RABEP1: variants seen among roughly 807,000 people sequenced by gnomAD.
The protein encoded by RABEP1 is rabaptin, RAB GTPase binding effector protein 1, also known as rab GTPase-binding effector protein 1.
In RABEP1, 51 loss-of-function variants were observed where a neutral mutation model predicts 123.4. That is an observed-to-expected ratio of 0.41 (90% CI 0.33 to 0.52). The LOEUF is 0.52. RABEP1 is among the 20% of genes least tolerant of loss of function. The pLI is 0.16. For missense variants in RABEP1, 888 were observed against 996.3 expected (o/e 0.89, Z 1.46); for synonymous variants, 347 against 355.2 (o/e 0.98, Z 0.26).
chr17:5,365,174 C>A lies in RABEP1; in HGVS notation c.1721C>A (p.Thr574Lys). ...CAAGCTAATGACCAGTTAGAGAAGACAATGAAAGATAAGCAGGAGCTGGAA... is the reference window on the plus strand; with the variant it reads ...CAAGCTAATGACCAGTTAGAGAAGAAAATGAAAGATAAGCAGGAGCTGGAA... ...LRQANDQLEKTMKDKQELEDF... is the reference protein window; with the variant it reads ...LRQANDQLEKKMKDKQELEDF... Residue 574 changes from threonine (T) to lysine (K), a missense_variant, in exon 11 of 18, where the codon ACA (threonine) becomes AAA (lysine). Thr to Lys is a moderately conservative substitution (Grantham distance 78). Transcript: ENST00000537505. 1 of 1,610,912 alleles carries A rather than the reference C, an allele frequency of 6.2e-7. No homozygotes were observed. The highest frequency in any genetic ancestry group is 8.5e-7 in the Non-Finnish European group (1 of 1,178,826).
At chr17:5,381,023 G>A (rs1911405687) in intron 16 of RABEP1, among the ~76,000 whole-genome samples, 1 of 152,200 alleles carries the variant, frequency 6.6e-6, no homozygotes. Context: ...TTTCCTGGTG[G>A]ATGCTTGACT....
At chr17:5,288,592 G>A (rs762693243) in intron 1 of RABEP1, among the ~76,000 whole-genome samples, 11 of 151,968 alleles carry the variant, frequency 7.2e-5, no homozygotes, top group Admixed American at 5.9e-4. Flanking sequence ...ATGAGGTTTC[G>A]CCATGTTCGT....
chr17:5,332,862 G>A (rs755392687), intron 3 of RABEP1, among the ~76,000 whole-genome samples: 3 of 152,026 alleles, frequency 2.0e-5, no homozygotes, highest in Admixed American at 6.6e-5. Context: ...CACCTGCCTC[G>A]GCCTCCCAAA....
At chr17:5,349,874 CAATAAT>C (rs1239910069) in intron 6 of RABEP1, among the ~76,000 whole-genome samples, 8 of 152,076 alleles carry the variant, frequency 5.3e-5, no homozygotes, top group Non-Finnish European at 1.0e-4. Flanking sequence ...TGCAAAATAA[CAATAAT>C]AATAAATTTC....
chr17:5,348,670 C>T (rs1328431043), intron 6 of RABEP1, among the ~76,000 whole-genome samples: 1 of 152,102 alleles, frequency 6.6e-6, no homozygotes, highest in Non-Finnish European at 1.5e-5. Context: ...ACGCCATTCT[C>T]CTGTCTCAGC....
At chr17:5,299,093 C>A (rs1381715137) in intron 1 of RABEP1, among the ~76,000 whole-genome samples, 1 of 152,170 alleles carries the variant, frequency 6.6e-6, no homozygotes, top group African/African-American at 2.4e-5. Flanking sequence ...TTCACATATT[C>A]CCCAGTTGTC....
At chr17:5,284,742 A>G (rs1319650354) in intron 1 of RABEP1, among the ~76,000 whole-genome samples, 1 of 152,022 alleles carries the variant, frequency 6.6e-6, no homozygotes, top group African/African-American at 2.4e-5. Flanking sequence ...CTAGGATTGT[A>G]GGTGTGAGCC....
intron 1 of RABEP1, among the ~76,000 whole-genome samples, chr17:5,304,043 A>AAT (rs1555622451): frequency 7.1e-6 from 1 of 140,814 alleles, no homozygotes; most frequent in African/African-American, 2.5e-5. Flanking sequence ...TCAAAAAAAA[A>AAT]AAATAAATAA....
At chr17:5,368,668 C>A (rs1295571068) in intron 12 of RABEP1, among the ~76,000 whole-genome samples, 200 bp downstream of exon 12, 1 of 152,110 alleles carries the variant, frequency 6.6e-6, no homozygotes, top group East Asian at 1.9e-4. Context: ...TCTGGCCAAA[C>A]AAAAATTTTT....
chr17:5,361,839 C>T (rs1909573566), intron 9 of RABEP1, 164 bp downstream of exon 9: 2 of 617,794 alleles, frequency 3.2e-6, no homozygotes. Flanking sequence ...CATAGTCTGC[C>T]TTGGGTATTC....
In RABEP1 at chr17:5,294,093, C is replaced by T. The variant is rs115957448; in HGVS notation, c.34+11573C>T. On this transcript the variant is annotated intron_variant, in intron 1 of 17. Transcript: ENST00000537505. ...TTAACACTTTGGTATACAGTTAGCC[C>T]TCTGTATCTGCGGGGTCCACTTTCA... Among the ~76,000 whole-genome samples the T allele has an allele frequency of 8.2e-3, 1,255 of 152,272 alleles. 19 individuals carry two copies. Among genetic ancestry groups the T allele is most frequent in the African/African-American group, 0.028 (1,180 of 41,538 alleles).
chr17:5,374,476 C>G (rs1432030934), intron 13 of RABEP1, among the ~76,000 whole-genome samples: 1 of 150,278 alleles, frequency 6.7e-6, no homozygotes, highest in East Asian at 2.0e-4. Flanking sequence ...TCATTCTGTC[C>G]CCTAGGCTGG....
At chr17:5,341,067 A>T (rs574403802) in intron 5 of RABEP1, among the ~76,000 whole-genome samples, 1 of 152,258 alleles carries the variant, frequency 6.6e-6, no homozygotes, top group South Asian at 2.1e-4. Context: ...AAATGGAAAA[A>T]CTATAGACAA....
chr17:5,313,064 C>T (rs920253957), intron 2 of RABEP1, among the ~76,000 whole-genome samples: 2 of 152,078 alleles, frequency 1.3e-5, no homozygotes, highest in African/African-American at 4.8e-5. Flanking sequence ...GAGCCAAGAT[C>T]GCGCCACTGC....
chr17:5,341,230 A>G (rs771449502), intron 5 of RABEP1, among the ~76,000 whole-genome samples: 7 of 151,476 alleles, frequency 4.6e-5, no homozygotes, highest in Non-Finnish European at 1.0e-4. Flanking sequence ...GTGGTGAGCC[A>G]TGGTGGCTCC....
At chr17:5,345,936 C>T (rs1427418913) in intron 5 of RABEP1, among the ~76,000 whole-genome samples, 1 of 151,678 alleles carries the variant, frequency 6.6e-6, no homozygotes, top group Non-Finnish European at 1.5e-5. Context: ...GTGACGTAAT[C>T]CTTGATTTTC....
At chr17:5,286,840 A>G (rs1346253779) in intron 1 of RABEP1, among the ~76,000 whole-genome samples, 1 of 152,210 alleles carries the variant, frequency 6.6e-6, no homozygotes, top group Non-Finnish European at 1.5e-5. Context: ...AGTGCAATGG[A>G]AAAAAGAAAA....
chr17:5,365,356 C>G, intron 11 of RABEP1, 118 bp downstream of exon 11: 1 of 618,860 alleles, frequency 1.6e-6, no homozygotes, highest in Non-Finnish European at 2.7e-6. Context: ...TTTATTTTCC[C>G]TCAGGTAAAA....
At chr17:5,367,383 T>A (rs907598926) in intron 11 of RABEP1, among the ~76,000 whole-genome samples, 1 of 151,808 alleles carries the variant, frequency 6.6e-6, no homozygotes, top group Non-Finnish European at 1.5e-5. Context: ...GCGATTCTCC[T>A]GCCTCAGCCT....
Sources: allele counts gnomAD v4.1 joint callset (sites outside exome capture counted in the v4.1 genomes callset), GRCh38; gene constraint gnomAD v4.1.1; transcripts MANE v1.5; gene names NCBI Gene and HGNC (gene_info 2026-07-23, HGNC 2026-07-21).